CYP51A1: variants seen among roughly 807,000 people sequenced by gnomAD.
CYP51A1 encodes the protein cytochrome P450 family 51 subfamily A member 1, also known as lanosterol 14-alpha demethylase.
A neutral mutation model predicts 53.5 loss-of-function variants in CYP51A1; 45 were observed. The observed-to-expected ratio is 0.84, with a 90% confidence interval of 0.66 to 1.08. The LOEUF (loss-of-function observed/expected upper bound fraction) is 1.08. Among genes scored for constraint, CYP51A1 ranks in the 50% least tolerant of loss-of-function variants. CYP51A1 has a pLI of 0.00. For missense variants in CYP51A1, 462 were observed against 621.7 expected (o/e 0.74, Z 2.73); for synonymous variants, 181 against 217.7 (o/e 0.83, Z 1.48).
At chr7:92,118,700 A>G in intron 7 of CYP51A1, 85 bp from the exon 8 acceptor site, 1 of 777,244 alleles carries the variant, frequency 1.3e-6, no homozygotes, top group Non-Finnish European at 2.2e-6. Context: ...AGTTAGTACA[A>G]GACAGCTTGC....
chr7:92,131,681 G>GT (rs912653605), intron 2 of CYP51A1, 93 bp downstream of exon 2: 39 of 670,196 alleles, frequency 5.8e-5, no homozygotes, highest in Non-Finnish European at 7.9e-5. Context: ...TGATTACAAT[G>GT]TTTTTAAATG....
intron 1 of CYP51A1, among the ~76,000 whole-genome samples, chr7:92,133,847 G>T (rs984141516): frequency 6.6e-6 from 1 of 152,162 alleles, no homozygotes; most frequent in Non-Finnish European, 1.5e-5. Flanking sequence ...CACCACTGCT[G>T]CGGTCAGTAC....
At chr7:92,132,044 C>G in intron 1 of CYP51A1, 172 bp from the exon 2 acceptor site, 1 of 553,560 alleles carries the variant, frequency 1.8e-6, no homozygotes, top group Admixed American at 3.2e-5. Flanking sequence ...TTGCAAATAC[C>G]TCAAGAGAGT....
At chr7:92,130,552 T>C (rs1270511636) in intron 2 of CYP51A1, among the ~76,000 whole-genome samples, 2 of 152,216 alleles carry the variant, frequency 1.3e-5, no homozygotes, top group African/African-American at 4.8e-5. Context: ...AAAGGGTTTT[T>C]GTGGAGCTTC....
Position 92,113,675 on chromosome 7 carries a change from C to T in CYP51A1, c.1520G>A (p.Arg507Lys), listed in dbSNP as rs553164028. The change falls in exon 10 of 10, where the codon AGA becomes AAA. Residue 507 changes from arginine (R) to lysine (K), a missense_variant. By Grantham distance (26) the Arg-to-Lys change is conservative. Coordinates refer to ENST00000003100, the MANE Select transcript of CYP51A1 (RefSeq NM_000786.4). ...PENPVIRYKRRSK is the reference protein window; with the variant it reads ...PENPVIRYKRKSK ...TCCTTGCAACCTTTTTCATTTTGAT[C>T]TTCGTTTGTAACGGATAACTGGGTT... 1.2e-6 allele frequency: 2 copies of T among 1,610,674 alleles called. No individual in the cohort carries two copies. The highest frequency in any genetic ancestry group is 1.1e-5 in the South Asian group (1 of 90,722).
In CYP51A1 at chr7:92,113,754, T is replaced by A. The variant is rs756970996; in HGVS notation, c.1441A>T (p.Ile481Phe). The A allele has an allele frequency of 6.2e-7, 1 of 1,613,320 alleles. No homozygotes were observed. Among genetic ancestry groups the A allele is most frequent in the East Asian group, 2.2e-5 (1 of 44,792 alleles). Residue 481 changes from isoleucine (I) to phenylalanine (F), a missense_variant, in exon 10 of 10, where the codon ATT becomes TTT. Physicochemically the swap from Ile to Phe is conservative, Grantham distance 21 (BLOSUM62 0). Transcript: ENST00000003100. Reference protein sequence around the residue: ...TMLRLYEFDLIDGYFPTVNYT... With the variant: ...TMLRLYEFDLFDGYFPTVNYT... The stretch of plus-strand genomic sequence containing the variant: ...TTCACAGTGGGAAAGTATCCATCAA[T>A]GAGATCAAATTCATATAAACGAAGC...
rs1357271991 is a variant in CYP51A1, at chr7:92,134,472, C to G, written c.-108G>C. 8.2e-7 allele frequency: 1 copy of G among 1,217,136 alleles called. No homozygotes were observed. The highest frequency in any genetic ancestry group is 1.1e-6 in the Non-Finnish European group (1 of 894,586). 75.4% of individuals were successfully genotyped at this position (1,217,136 alleles called of 1,614,324 possible). A position where few individuals can be genotyped will look rare whatever the true frequency, so the allele number is the denominator to read the frequency against. On this transcript the variant is annotated 5_prime_UTR_variant, in exon 1 of 10. Coordinates refer to ENST00000003100, the MANE Select transcript of CYP51A1 (RefSeq NM_000786.4). Reference sequence around the variant, plus strand: ...CCACAGGGGGCCTTGCCCCAGGTCTCCTACTAAACCCAGCCCCACCCCTCG... The same window carrying G: ...CCACAGGGGGCCTTGCCCCAGGTCTGCTACTAAACCCAGCCCCACCCCTCG...
At chr7:92,133,900 G>A (rs896271951) in intron 1 of CYP51A1, among the ~76,000 whole-genome samples, 3 of 152,192 alleles carry the variant, frequency 2.0e-5, no homozygotes. Flanking sequence ...ACCCCGTCTA[G>A]GATCAGATAC....
rs1385236233 is a variant in CYP51A1 at position 92,112,389 on chromosome 7, G to A, written c.*1276C>T. On this transcript the variant is annotated 3_prime_UTR_variant, in exon 10 of 10. Coordinates refer to ENST00000003100, the MANE Select transcript of CYP51A1 (RefSeq NM_000786.4). ...CTAAACAGAATGTGCTTTACAGAAT[G>A]TGACCAATTTTATTACTCCCAAGGA... 2 of 152,188 alleles carry A rather than the reference G, an allele frequency of 1.3e-5. No homozygotes were observed. Among genetic ancestry groups the A allele is most frequent in the Non-Finnish European group, 2.9e-5 (2 of 68,032 alleles). The allele number at this position is 152,188 out of a possible 1,614,324, so 9.4% of individuals were successfully genotyped here.
At chr7:92,129,893 C>T (rs1392301771) in intron 2 of CYP51A1, among the ~76,000 whole-genome samples, 4 of 151,962 alleles carry the variant, frequency 2.6e-5, no homozygotes, top group Non-Finnish European at 5.9e-5. Context: ...TAAACATACA[C>T]AAAGGCCCTA....
At chr7:92,122,210 A>C (rs1466521494) in intron 7 of CYP51A1, among the ~76,000 whole-genome samples, 1 of 151,772 alleles carries the variant, frequency 6.6e-6, no homozygotes, top group African/African-American at 2.4e-5. Context: ...TAGTAAGTAA[A>C]GTCTTCTCAG....
intron 9 of CYP51A1, among the ~76,000 whole-genome samples, chr7:92,114,160 C>T (rs1209238823): frequency 1.3e-5 from 2 of 152,042 alleles, no homozygotes; most frequent in African/African-American, 4.8e-5. Context: ...GTAGAATATT[C>T]TGTTTGTCCC....
chr7:92,130,615 T>C (rs1433646455), intron 2 of CYP51A1, among the ~76,000 whole-genome samples: 1 of 152,254 alleles, frequency 6.6e-6, no homozygotes, highest in Non-Finnish European at 1.5e-5. Context: ...AAGTGTTTGA[T>C]AATTATTACT....
chr7:92,126,320 C>G lies in CYP51A1; in HGVS notation c.703G>C (p.Asp235His). ...LNEKVAQLYA[D>H]LDGGFSHAAW... Reference sequence around the variant, plus strand: ...GCATGGCTGAAACCTCCATCCAAATCTGCATACAGCTGTGCTACCTTTTCA... The same window carrying G: ...GCATGGCTGAAACCTCCATCCAAATGTGCATACAGCTGTGCTACCTTTTCA... The change falls in exon 5 of 10, where the codon GAT (aspartate) becomes CAT (histidine). Residue 235 changes from aspartate (D) to histidine (H), a missense_variant. By Grantham distance (81) the Asp-to-His change is moderately conservative. Transcript: ENST00000003100. The G allele has an allele frequency of 6.2e-7, 1 of 1,612,360 alleles. No homozygotes were observed. The highest frequency in any genetic ancestry group is 2.2e-5 in the East Asian group (1 of 44,880).
intron 8 of CYP51A1, 31 bp from the exon 9 acceptor site, chr7:92,117,243 G>T: frequency 6.3e-7 from 1 of 1,586,332 alleles, no homozygotes; most frequent in Non-Finnish European, 8.6e-7. Context: ...TTTCATTAGA[G>T]AATTTAAAAA....
chr7:92,132,156 T>C (rs1287456407), intron 1 of CYP51A1, among the ~76,000 whole-genome samples: 1 of 152,160 alleles, frequency 6.6e-6, no homozygotes, highest in Non-Finnish European at 1.5e-5. Flanking sequence ...CTGTCCAGAA[T>C]ATGTCCAATT....
At chr7:92,120,812 C>T (rs1286881370) in intron 7 of CYP51A1, among the ~76,000 whole-genome samples, 2 of 152,046 alleles carry the variant, frequency 1.3e-5, no homozygotes, top group African/African-American at 4.8e-5. Context: ...GCATTAGTTT[C>T]TCTGACACCA....
At chr7:92,129,436 A>G (rs961326042) in intron 2 of CYP51A1, among the ~76,000 whole-genome samples, 44 of 152,184 alleles carry the variant, frequency 2.9e-4, no homozygotes, top group African/African-American at 9.9e-4. Context: ...GAAAATATAG[A>G]CTTCTTCCCC....
Position 92,134,213 on chromosome 7 carries a change from C to T in CYP51A1, c.152G>A (p.Arg51His), listed in dbSNP as rs141141306. 5.6e-6 allele frequency: 9 copies of T among 1,612,930 alleles called. No homozygotes were observed. In the African/African-American group the frequency reaches 9.3e-5, roughly 17 times the overall value. ...AFTLSLVYLI[R>H]LAAGHLVQLP... ...CTGGACCAGGTGGCCGGCGGCCAGACGGATCAGGTAGACCAGGCTGAGGGT... is the reference window on the plus strand; with the variant it reads ...CTGGACCAGGTGGCCGGCGGCCAGATGGATCAGGTAGACCAGGCTGAGGGT... The change falls in exon 1 of 10, where the codon CGT (arginine) becomes CAT (histidine). Residue 51 changes from arginine to histidine, a missense_variant. Transcript: ENST00000003100.
Sources: allele counts gnomAD v4.1 joint callset (sites outside exome capture counted in the v4.1 genomes callset), GRCh38; gene constraint gnomAD v4.1.1; transcripts MANE v1.5; gene names NCBI Gene and HGNC (gene_info 2026-07-23, HGNC 2026-07-21).